The following UST variants were observed in gnomAD, a reference collection of about 807,000 sequenced individuals.
The protein encoded by UST is chondroitin sulfate 2-O-sulfotransferase.
UST carries 21 observed loss-of-function variants against 45.6 expected under a neutral mutation model. The observed-to-expected ratio is 0.46, with a 90% CI of 0.33 to 0.66. UST has a LOEUF of 0.66. Among genes scored for constraint, UST ranks in the 30% least tolerant of loss-of-function variants. UST has a pLI of 0.02. For missense variants in UST, 463 were observed against 512.4 expected (o/e 0.90, Z 0.93); for synonymous variants, 215 against 200.6 (o/e 1.07, Z -0.61).
At chr6:149,017,799 T>TACAC (rs10533222) in intron 5 of UST, among the ~76,000 whole-genome samples, 9,859 of 148,762 alleles carry the variant, frequency 0.066, 387 homozygotes, top group Non-Finnish European at 0.091. Context: ...TATCCATATA[T>TACAC]ACACACACAC....
chr6:149,057,353 C>T (rs1038466226), intron 7 of UST, among the ~76,000 whole-genome samples: 5 of 152,130 alleles, frequency 3.3e-5, no homozygotes, highest in African/African-American at 1.2e-4. Flanking sequence ...TCAAAAGGCC[C>T]TGTGCATTTT....
At chr6:148,856,939 C>A (rs1562278660) in intron 1 of UST, among the ~76,000 whole-genome samples, 1 of 149,384 alleles carries the variant, frequency 6.7e-6, no homozygotes, top group East Asian at 1.9e-4. Flanking sequence ...GCAATGAGAG[C>A]TTTGTGATAT....
chr6:148,990,251 C>T (rs2500524), intron 5 of UST: 66,586 of 226,660 alleles, frequency 0.29, 9,954 homozygotes, highest in African/African-American at 0.37. Flanking sequence ...AGCTTTTTAT[C>T]GTCCTCTTTT....
At chr6:149,052,555 G>T (rs1776503024) in intron 7 of UST, among the ~76,000 whole-genome samples, 1 of 151,716 alleles carries the variant, frequency 6.6e-6, no homozygotes, top group Non-Finnish European at 1.5e-5. Context: ...CCCAGGCCCA[G>T]GTGACTTGCA....
chr6:148,834,805 G>A (rs6570906), intron 1 of UST, among the ~76,000 whole-genome samples: 1,908 of 152,234 alleles, frequency 0.013, 37 homozygotes, highest in African/African-American at 0.044. Context: ...TATGTGGGGG[G>A]ATTTTTAAAT....
intron 2 of UST, among the ~76,000 whole-genome samples, chr6:148,889,554 G>C (rs925152181): frequency 4.6e-5 from 7 of 152,134 alleles, no homozygotes; most frequent in African/African-American, 1.4e-4. Flanking sequence ...CCCCTGCCCT[G>C]TCATGATATT....
intron 1 of UST, among the ~76,000 whole-genome samples, chr6:148,789,484 C>G (rs1440528548): frequency 1.3e-5 from 2 of 148,778 alleles, no homozygotes; most frequent in Non-Finnish European, 3.0e-5. Context: ...CACACACACA[C>G]TTTCAAAAGT....
intron 2 of UST, among the ~76,000 whole-genome samples, chr6:148,922,237 T>A (rs78906516): frequency 0.034 from 5,211 of 152,214 alleles, 302 homozygotes; most frequent in African/African-American, 0.12. Context: ...ACCTATTGAC[T>A]GTCACTCCCC....
chr6:148,911,739 G>A (rs1779479567), intron 2 of UST, among the ~76,000 whole-genome samples: 1 of 151,892 alleles, frequency 6.6e-6, no homozygotes, highest in Non-Finnish European at 1.5e-5. Flanking sequence ...CATGAAACCG[G>A]AATTGTCTTC....
intron 2 of UST, among the ~76,000 whole-genome samples, chr6:148,897,627 G>C (rs1397064337): frequency 6.6e-6 from 1 of 151,860 alleles, no homozygotes; most frequent in Non-Finnish European, 1.5e-5. Flanking sequence ...AAGTAGCTAG[G>C]ATTACAGGTG....
At chr6:148,972,032 G>C (rs1780928311) in intron 5 of UST, among the ~76,000 whole-genome samples, 1 of 152,184 alleles carries the variant, frequency 6.6e-6, no homozygotes, top group African/African-American at 2.4e-5. Context: ...GCAGCAATGA[G>C]GGAGCAATTA....
intron 1 of UST, among the ~76,000 whole-genome samples, chr6:148,834,288 G>T (rs975862198): frequency 4.6e-5 from 7 of 152,112 alleles, no homozygotes; most frequent in African/African-American, 1.7e-4. Context: ...TTACCATTTA[G>T]TTACATCTTA....
intron 4 of UST, among the ~76,000 whole-genome samples, chr6:148,962,796 T>C (rs564571742): frequency 6.6e-6 from 1 of 152,348 alleles, no homozygotes; most frequent in Admixed American, 6.5e-5. Context: ...AGTTGTTCCT[T>C]TGGATTCTTC....
intron 2 of UST, among the ~76,000 whole-genome samples, chr6:148,900,913 G>A (rs1779242975): frequency 6.6e-6 from 1 of 152,130 alleles, no homozygotes. Flanking sequence ...CTTGACTTAT[G>A]TCTCCTTTAT....
rs962085395 is a variant in UST, at chr6:148,790,318, T to G, written c.247+42641T>G. On this transcript the variant is annotated intron_variant, in intron 1 of 7. Transcript: ENST00000367463. The surrounding 1 kb of genome is among the most constrained non-coding windows in gnomAD (Gnocchi z 4.2). ...GTAGAGACCCCGTTTTGCTGTCTGC[T>G]CTCTCCAGCGCCTCATGATGTCAGA... is the stretch of plus-strand genomic sequence containing the variant. 8.5e-5 allele frequency among the ~76,000 whole-genome samples: 13 copies of G among 152,160 alleles called. No homozygotes were observed. Among genetic ancestry groups the G allele is most frequent in the African/African-American group, 3.1e-4 (13 of 41,424 alleles).
At chr6:148,833,049 AC>A in intron 1 of UST, among the ~76,000 whole-genome samples, 1 of 152,118 alleles carries the variant, frequency 6.6e-6, no homozygotes, top group Non-Finnish European at 1.5e-5. Flanking sequence ...ATCATTCTTG[AC>A]CCCCTGTCCT....
intron 1 of UST, among the ~76,000 whole-genome samples, chr6:148,840,539 C>T (rs1011347246): frequency 1.3e-5 from 2 of 152,078 alleles, no homozygotes; most frequent in Non-Finnish European, 2.9e-5. Context: ...TGGTTCCAGG[C>T]CCACCTGCAG....
In UST at chr6:148,879,340, G is replaced by A. The variant is rs1778781385; in HGVS notation, c.248-7646G>A. On this transcript the variant is annotated intron_variant, in intron 1 of 7. Transcript: ENST00000367463. The stretch of plus-strand genomic sequence containing the variant: ...ATCTCCCACCGGAAATGATGGAAGT[G>A]GCCTGAGATGAAGATGAGCCTCGGT... 1.3e-5 allele frequency among the ~76,000 whole-genome samples: 2 copies of A among 152,188 alleles called. 1 individual carries two copies. Among genetic ancestry groups the A allele is most frequent in the South Asian group, 4.1e-4 (2 of 4,828 alleles).
At chr6:148,841,044 G>GA (rs11407927) in intron 1 of UST, among the ~76,000 whole-genome samples, 35,058 of 138,448 alleles carry the variant, frequency 0.25, 5,815 homozygotes, top group African/African-American at 0.47. Flanking sequence ...ATTTTGAAAT[G>GA]AAAAAAAAAA....
Sources: allele counts gnomAD v4.1 joint callset (sites outside exome capture counted in the v4.1 genomes callset), GRCh38; gene constraint gnomAD v4.1.1; non-coding constraint Gnocchi (gnomAD v3.1); transcripts MANE v1.5; gene names NCBI Gene and HGNC (gene_info 2026-07-23, HGNC 2026-07-21).